STX8: variants seen among roughly 807,000 people sequenced by gnomAD.
STX8 encodes the protein syntaxin-8.
A neutral mutation model predicts 37.5 loss-of-function variants in STX8; 23 were observed. That is an observed-to-expected ratio of 0.61 (90% confidence interval 0.44 to 0.87). The LOEUF is 0.87. Ranked by LOEUF, STX8 falls within the 40% of genes least tolerant of loss-of-function variation. The pLI is 0.00. For synonymous variants in STX8, 115 were observed against 99.1 expected (o/e 1.16, Z -0.95); for missense variants, 313 against 284.7 (o/e 1.10, Z -0.71).
chr17:9,445,777 G>GT lies in STX8; in HGVS notation c.541+46051dup, dbSNP rs35814952. On this transcript the variant is annotated intron_variant, in intron 6 of 7. Coordinates refer to ENST00000306357, the MANE Select transcript of STX8 (RefSeq NM_004853.3). The stretch of plus-strand genomic sequence containing the variant: ...TAAGCACACTACTTTTTCAATAGCA[G>GT]TTTTTTTGCACATCTTTTCTATCAT... Among the ~76,000 whole-genome samples the GT allele has an allele frequency of 4.2e-3, 639 of 150,748 alleles. 4 individuals are homozygous for GT. The highest frequency in any genetic ancestry group is 0.012 in the South Asian group (55 of 4,760).
In STX8 at chr17:9,429,742, TTATA is replaced by T. The variant is rs370244137; in HGVS notation, c.542-51093_542-51090del. Among the ~76,000 whole-genome samples the T allele has an allele frequency of 1.4e-4, 4 of 29,406 alleles. 1 individual carries two copies. The Admixed American group carries it at 1.5e-3, about 11-fold the overall frequency. 19.3% of individuals were successfully genotyped at this position (29,406 alleles called of 152,430 possible). A position where few individuals can be genotyped will look rare whatever the true frequency, so the allele number is the denominator to read the frequency against. ...TATATATTTTATATTATATTATATA[TTATA>T]TATATTATATTTTATATATTATATA... On this transcript the variant is annotated intron_variant, in intron 6 of 7. Transcript: ENST00000306357.
intron 7 of STX8, among the ~76,000 whole-genome samples, chr17:9,359,980 G>A (rs575934851): frequency 6.6e-6 from 1 of 152,098 alleles, no homozygotes; most frequent in Admixed American, 6.5e-5. Context: ...GTGGGGAGAA[G>A]GTTAAAGAGC....
intron 7 of STX8, among the ~76,000 whole-genome samples, chr17:9,294,914 G>A (rs896842318): frequency 6.6e-6 from 1 of 152,214 alleles, no homozygotes; most frequent in African/African-American, 2.4e-5. Context: ...AGCATGCACA[G>A]AGGAAAGGCC....
intron 1 of STX8, among the ~76,000 whole-genome samples, chr17:9,573,402 C>G (rs1176405749): frequency 6.6e-6 from 1 of 152,172 alleles, no homozygotes; most frequent in Non-Finnish European, 1.5e-5. Context: ...AATAACTCAA[C>G]CAATTGCCAA....
chr17:9,379,916 C>T lies in STX8; in HGVS notation c.542-1263G>A, dbSNP rs191190192. Reference sequence around the variant, plus strand: ...CAGGGAGGTGGAGGTTGCAGTGAGCCGAGATTGCACCACTGCACTCCAGTT... The same window carrying T: ...CAGGGAGGTGGAGGTTGCAGTGAGCTGAGATTGCACCACTGCACTCCAGTT... On this transcript the variant is annotated intron_variant, in intron 6 of 7. Coordinates refer to ENST00000306357, the MANE Select transcript of STX8 (RefSeq NM_004853.3). Among the ~76,000 whole-genome samples the T allele has an allele frequency of 4.9e-4, 74 of 151,324 alleles. 1 individual carries two copies. Among genetic ancestry groups the T allele is most frequent in the African/African-American group, 1.7e-3 (70 of 41,222 alleles).
At chr17:9,391,265 C>T (rs1386328642) in intron 6 of STX8, among the ~76,000 whole-genome samples, 1 of 144,762 alleles carries the variant, frequency 6.9e-6, no homozygotes, top group Non-Finnish European at 1.5e-5. Flanking sequence ...ACCAGCCCGG[C>T]CAACATGGTG....
intron 7 of STX8, among the ~76,000 whole-genome samples, chr17:9,357,006 C>T (rs35656277): frequency 0.1 from 13,468 of 130,186 alleles, 720 homozygotes; most frequent in Middle Eastern, 0.21. Context: ...CTTGCTCTGT[C>T]ACCCCGGCTG....
At chr17:9,398,206 G>A (rs989481825) in intron 6 of STX8, among the ~76,000 whole-genome samples, 14 of 152,110 alleles carry the variant, frequency 9.2e-5, no homozygotes, top group African/African-American at 2.2e-4. Context: ...GAAGCCTAAC[G>A]AACACCACCT....
intron 6 of STX8, among the ~76,000 whole-genome samples, chr17:9,445,822 A>T (rs540358865): frequency 1.0e-4 from 15 of 146,276 alleles, no homozygotes; most frequent in South Asian, 8.8e-4. Flanking sequence ...AAGAATATAC[A>T]TTTTTTTCTT....
intron 6 of STX8, among the ~76,000 whole-genome samples, chr17:9,436,216 G>T (rs1276355579): frequency 6.6e-6 from 1 of 151,822 alleles, no homozygotes; most frequent in Non-Finnish European, 1.5e-5. Context: ...GTGGTGACGG[G>T]CGCCTGTAGT....
chr17:9,574,713 T>C (rs1208347788), intron 1 of STX8, among the ~76,000 whole-genome samples: 2 of 152,186 alleles, frequency 1.3e-5, no homozygotes, highest in African/African-American at 2.4e-5. Context: ...TTTGTATTTT[T>C]AGTAGAGACG....
intron 4 of STX8, among the ~76,000 whole-genome samples, chr17:9,511,830 G>A (rs915429241): frequency 2.0e-5 from 3 of 151,940 alleles, no homozygotes; most frequent in African/African-American, 4.8e-5. Flanking sequence ...ATCTTATAGA[G>A]AGAAAAGCCT....
At chr17:9,534,109 A>C (rs1395953251) in intron 4 of STX8, among the ~76,000 whole-genome samples, 1 of 152,220 alleles carries the variant, frequency 6.6e-6, no homozygotes, top group African/African-American at 2.4e-5. Context: ...AGATAAAAAA[A>C]TGCTAAAAGC....
At chr17:9,572,405 GTTTGTTTGT>G (rs1331858892) in intron 1 of STX8, among the ~76,000 whole-genome samples, 2 of 145,646 alleles carry the variant, frequency 1.4e-5, no homozygotes, top group African/African-American at 5.2e-5. Context: ...GGTTGTTTTT[GTTTGTTTGT>G]TTTGTTTTGT....
At chr17:9,330,343 G>A (rs548225989) in intron 7 of STX8, among the ~76,000 whole-genome samples, 3 of 152,148 alleles carry the variant, frequency 2.0e-5, no homozygotes, top group Non-Finnish European at 4.4e-5. Context: ...CAAGAACAGC[G>A]ACCAAGGCAA....
At chr17:9,457,490 G>A (rs1905215903) in intron 6 of STX8, among the ~76,000 whole-genome samples, 1 of 152,180 alleles carries the variant, frequency 6.6e-6, no homozygotes, top group Non-Finnish European at 1.5e-5. Context: ...GCCCATCAGA[G>A]AATCCAAAAC....
chr17:9,414,397 T>G (rs1567549931), intron 6 of STX8, among the ~76,000 whole-genome samples: 4 of 152,010 alleles, frequency 2.6e-5, no homozygotes, highest in East Asian at 1.9e-4. Context: ...CTAGGAAAAT[T>G]AAATTTTTAA....
At chr17:9,565,428 C>T (rs1458246190) in intron 2 of STX8, among the ~76,000 whole-genome samples, 1 of 151,984 alleles carries the variant, frequency 6.6e-6, no homozygotes, top group African/African-American at 2.4e-5. Flanking sequence ...CCAGCCTGGC[C>T]AACATGGCGA....
chr17:9,327,262 GAGGAGGA>G (rs1909796603), intron 7 of STX8, among the ~76,000 whole-genome samples: 1 of 149,654 alleles, frequency 6.7e-6, no homozygotes, highest in African/African-American at 2.5e-5. Context: ...GAGGAAGGAG[GAGGAGGA>G]AGGAGGAAGA....
Sources: gnomAD v4.1 joint callset for allele counts (sites outside exome capture counted in the v4.1 genomes callset) on GRCh38, gnomAD v4.1.1 for gene constraint, MANE v1.5 for transcripts, NCBI Gene and HGNC (gene_info 2026-07-23, HGNC 2026-07-21) for gene names.